Variants in KIZ observed in about 807,000 individuals in gnomAD.
KIZ encodes centrosomal protein kizuna.
Under a neutral mutation model 79.6 loss-of-function variants are expected in KIZ, and 68 were observed. The ratio of observed to expected loss-of-function variants is 0.85; its 90% CI spans 0.70 to 1.05. The LOEUF (loss-of-function observed/expected upper bound fraction) is 1.05. Ranked by LOEUF, KIZ falls within the 50% of genes least tolerant of loss-of-function variation. The pLI, the probability that KIZ is intolerant of heterozygous loss-of-function variation, is 0.00. For synonymous variants in KIZ, 280 were observed against 281.8 expected, an observed-to-expected ratio of 0.99 and a Z score of 0.06; for missense variants, 797 against 800.4, an observed-to-expected ratio of 1.00 and a Z score of 0.05.
intron 1 of KIZ, among the ~76,000 whole-genome samples, chr20:21,126,599 C>T (rs1212220667): frequency 6.6e-6 from 1 of 152,158 alleles, no homozygotes; most frequent in Non-Finnish European, 1.5e-5. Context: ...GCCATCCCGC[C>T]GTGACAGCTG....
At chr20:21,128,400 A>C (rs1437970313) in intron 1 of KIZ, among the ~76,000 whole-genome samples, 4 of 152,206 alleles carry the variant, frequency 2.6e-5, no homozygotes, top group African/African-American at 9.6e-5. Context: ...GTCATTTCAT[A>C]GGGAGCAACC....
At chr20:21,198,528 G>A (rs1361450585) in intron 6 of KIZ, 3 of 152,262 alleles carry the variant, frequency 2.0e-5, no homozygotes, top group African/African-American at 4.8e-5. Flanking sequence ...CTACAACATA[G>A]TGCTGTTCTC....
At chr20:21,153,236 ATTG>A (rs1383637818) in intron 4 of KIZ, among the ~76,000 whole-genome samples, 2 of 152,126 alleles carry the variant, frequency 1.3e-5, no homozygotes, top group East Asian at 3.8e-4. Flanking sequence ...CATCATTACC[ATTG>A]TTGTTCTCCA....
chr20:21,203,246 A>G (rs1045660139), intron 6 of KIZ, among the ~76,000 whole-genome samples: 1 of 152,200 alleles, frequency 6.6e-6, no homozygotes, highest in African/African-American at 2.4e-5. Flanking sequence ...TGTTGGAGGA[A>G]TTGGGTCACT....
chr20:21,145,198 G>A (rs1458965334), intron 3 of KIZ, among the ~76,000 whole-genome samples: 1 of 151,584 alleles, frequency 6.6e-6, no homozygotes, highest in Non-Finnish European at 1.5e-5. Context: ...ACTTCTAAAA[G>A]GAAACACTGT....
At chr20:21,178,973 A>G (rs1240673438) in intron 6 of KIZ, among the ~76,000 whole-genome samples, 1 of 152,000 alleles carries the variant, frequency 6.6e-6, no homozygotes, top group Non-Finnish European at 1.5e-5. Context: ...TTGGTTTGTT[A>G]GTATTTTGTT....
intron 3 of KIZ, among the ~76,000 whole-genome samples, chr20:21,136,902 AC>A (rs1302605071): frequency 3.3e-5 from 5 of 152,184 alleles, no homozygotes; most frequent in African/African-American, 1.2e-4. Context: ...TCTGTGAATT[AC>A]CATGTGGCTG....
intron 6 of KIZ, among the ~76,000 whole-genome samples, chr20:21,165,972 T>G (rs1444364166): frequency 6.6e-6 from 1 of 152,118 alleles, no homozygotes; most frequent in Non-Finnish European, 1.5e-5. Context: ...ATTTTGTTTT[T>G]GTTTTTGTTT....
chr20:21,152,535 A>G (rs2033169810), intron 4 of KIZ, among the ~76,000 whole-genome samples: 1 of 152,092 alleles, frequency 6.6e-6, no homozygotes, highest in Non-Finnish European at 1.5e-5. Flanking sequence ...GAGTTACCCT[A>G]TTTGGGGATG....
At chr20:21,127,174 C>G (rs2031536746) in intron 1 of KIZ, among the ~76,000 whole-genome samples, 1 of 152,216 alleles carries the variant, frequency 6.6e-6, no homozygotes, top group Non-Finnish European at 1.5e-5. Flanking sequence ...TATAGAGCAT[C>G]TACAACAGGC....
At chr20:21,149,200 C>T (rs2032992942) in intron 4 of KIZ, among the ~76,000 whole-genome samples, 2 of 152,204 alleles carry the variant, frequency 1.3e-5, no homozygotes, top group Admixed American at 6.5e-5. Flanking sequence ...CTGTTAACCA[C>T]CTTGCAGCAA....
At chr20:21,217,499 T>C (rs764434330) in intron 9 of KIZ, among the ~76,000 whole-genome samples, 14 of 152,188 alleles carry the variant, frequency 9.2e-5, no homozygotes, top group Non-Finnish European at 1.9e-4. Flanking sequence ...TGGTTGTGTT[T>C]GTGTGGGCTG....
intron 4 of KIZ, among the ~76,000 whole-genome samples, chr20:21,154,352 G>A (rs995932032): frequency 6.6e-6 from 1 of 152,070 alleles, no homozygotes; most frequent in African/African-American, 2.4e-5. Flanking sequence ...TAAACTTGTT[G>A]ATCTCTTCTT....
At position 21,126,131 on chromosome 20, in the gene KIZ, G is replaced by A; in HGVS notation, c.16G>A (p.Ala6Thr). The A allele has an allele frequency of 6.6e-7, 1 of 1,514,214 alleles. No homozygotes were observed. Among genetic ancestry groups the A allele is most frequent in the Middle Eastern group, 1.7e-4 (1 of 5,810 alleles). The allele number at this position is 1,514,214 out of a possible 1,614,324, so 93.8% of individuals were successfully genotyped here. Residue 6 changes from alanine (A) to threonine (T), a missense_variant, in exon 1 of 13, where the codon GCA becomes ACA. Coordinates refer to ENST00000619189, the MANE Select transcript of KIZ (RefSeq NM_018474.6). The stretch of plus-strand genomic sequence containing the variant: ...CGGCAGCAGCATGAGCCGGACCCTC[G>A]CATCGGCCGTGCCCCTGTCGAGTCC... MSRTL[A>T]SAVPLSSPDY...
chr20:21,132,221 C>T, intron 2 of KIZ, 62 bp downstream of exon 2: 3 of 792,698 alleles, frequency 3.8e-6, no homozygotes, highest in Non-Finnish European at 6.1e-6. Context: ...AAAAATGTAA[C>T]CCTAATGTTA....
intron 9 of KIZ, among the ~76,000 whole-genome samples, chr20:21,221,600 T>C (rs2036503933): frequency 6.6e-6 from 1 of 152,210 alleles, no homozygotes; most frequent in Non-Finnish European, 1.5e-5. Flanking sequence ...GTTGCCTGAC[T>C]GTGCCATTCC....
rs145150384 is a variant in KIZ, at chr20:21,128,125, G to C, written c.89+1921G>C. Among the ~76,000 whole-genome samples the C allele has an allele frequency of 4.2e-3, 638 of 152,280 alleles. 3 individuals are homozygous for C. The highest frequency in any genetic ancestry group is 0.025 in the South Asian group (122 of 4,830). ...CCTCCCAGGTTCAAGCGATTGTCCTGCCTCAGCCTCCCTAGTAGCTGGGAT... is the reference window on the plus strand; with the variant it reads ...CCTCCCAGGTTCAAGCGATTGTCCTCCCTCAGCCTCCCTAGTAGCTGGGAT... On this transcript the variant is annotated intron_variant, in intron 1 of 12. Coordinates refer to ENST00000619189, the MANE Select transcript of KIZ (RefSeq NM_018474.6).
intron 6 of KIZ, chr20:21,166,623 ATT>A (rs71198085): frequency 0.11 from 78,738 of 700,312 alleles, no homozygotes; most frequent in South Asian, 0.18. Flanking sequence ...GAGCTTTTGT[ATT>A]TTTTTTTTTT....
intron 1 of KIZ, among the ~76,000 whole-genome samples, chr20:21,126,778 A>T (rs2031503700): frequency 6.6e-6 from 1 of 152,216 alleles, no homozygotes; most frequent in Admixed American, 6.5e-5. Flanking sequence ...CAGAGGGTTC[A>T]TGATGCCTTT....
Sources: allele counts gnomAD v4.1 joint callset (sites outside exome capture counted in the v4.1 genomes callset), GRCh38; gene constraint gnomAD v4.1.1; transcripts MANE v1.5; gene names NCBI Gene and HGNC (gene_info 2026-07-23, HGNC 2026-07-21).